SH3KBP1: variants seen among roughly 807,000 people sequenced by gnomAD.
SH3KBP1 encodes SH3 domain containing kinase binding protein 1, also known as SH3 domain-containing kinase-binding protein 1.
SH3KBP1 carries 8 observed loss-of-function variants against 50.1 expected under a neutral mutation model. That is an observed-to-expected ratio of 0.16 (90% CI 0.09 to 0.29). The LOEUF is 0.29. Ranked by LOEUF, SH3KBP1 falls within the 10% of genes least tolerant of loss-of-function variation. The pLI is 1.00. For missense variants in SH3KBP1, 377 were observed against 535.2 expected (o/e 0.70, Z 2.92); for synonymous variants, 227 against 218.6 (o/e 1.04, Z -0.34).
At chrX:19,617,781 T>TAAG (rs1395642198) in intron 8 of SH3KBP1, among the ~76,000 whole-genome samples, 1 of 112,004 alleles carries the variant, frequency 8.9e-6, no homozygotes, top group Non-Finnish European at 1.9e-5. Context: ...TCCGGCCAGC[T>TAAG]AAGGCCCTTC....
At chrX:19,700,800 G>C (rs5955836) in intron 4 of SH3KBP1, among the ~76,000 whole-genome samples, 5,667 of 111,531 alleles carry the variant, frequency 0.051, 324 homozygotes, top group African/African-American at 0.17. Flanking sequence ...CTAAATGGCT[G>C]GACCAATATT....
chrX:19,567,462 TGAGCC>T (rs2065875166), intron 13 of SH3KBP1, among the ~76,000 whole-genome samples: 1 of 82,023 alleles, frequency 1.2e-5, no homozygotes, highest in Non-Finnish European at 2.2e-5. Flanking sequence ...GAGGTTGCAG[TGAGCC>T]GAGATCGTAC....
intron 3 of SH3KBP1, among the ~76,000 whole-genome samples, chrX:19,733,775 T>C (rs898816137): frequency 1.1e-4 from 11 of 101,933 alleles, no homozygotes; most frequent in African/African-American, 3.9e-4. Context: ...CACCAACCAG[T>C]AAAAAAAAAA....
intron 2 of SH3KBP1, among the ~76,000 whole-genome samples, chrX:19,760,279 C>A (rs1412857918): frequency 9.2e-6 from 1 of 109,114 alleles, no homozygotes; most frequent in African/African-American, 3.4e-5. Flanking sequence ...TCCAGCTACT[C>A]GGGAGGCTGA....
intron 13 of SH3KBP1, 67 bp from the exon 14 acceptor site, chrX:19,550,150 G>A (rs1219107291): frequency 1.5e-6 from 1 of 672,271 alleles, no homozygotes; most frequent in Non-Finnish European, 2.4e-6. Context: ...TATGTCATAA[G>A]CACCTCTCTT....
intron 2 of SH3KBP1, among the ~76,000 whole-genome samples, chrX:19,785,060 C>T (rs1427357450): frequency 9.0e-6 from 1 of 110,817 alleles, no homozygotes; most frequent in African/African-American, 3.3e-5. Context: ...ACACAGTATC[C>T]ACCCAGTGCC....
chrX:19,590,647 CTTT>C (rs767767612), intron 11 of SH3KBP1, among the ~76,000 whole-genome samples: 2 of 96,244 alleles, frequency 2.1e-5, no homozygotes, highest in Non-Finnish European at 4.2e-5. Context: ...ACATCACACA[CTTT>C]TTTTTTTTTT....
intron 1 of SH3KBP1, among the ~76,000 whole-genome samples, chrX:19,836,709 G>A (rs2068067422): frequency 8.9e-6 from 1 of 111,882 alleles, no homozygotes; most frequent in East Asian, 2.8e-4. Context: ...TGTACAAAAT[G>A]TCAAAGCTAA....
chrX:19,822,606 C>T (rs1159910620), intron 2 of SH3KBP1, among the ~76,000 whole-genome samples: 1 of 112,073 alleles, frequency 8.9e-6, no homozygotes, highest in Non-Finnish European at 1.9e-5. Flanking sequence ...GCTTTAAAAC[C>T]TTTGTCAGAT....
At chrX:19,866,501 A>T (rs1350620512) in intron 1 of SH3KBP1, among the ~76,000 whole-genome samples, 1 of 110,097 alleles carries the variant, frequency 9.1e-6, no homozygotes, top group Non-Finnish European at 1.9e-5. Flanking sequence ...CAGCCTGGGC[A>T]ACATAACGAG....
At chrX:19,834,470 G>C (rs1467619562) in intron 2 of SH3KBP1, among the ~76,000 whole-genome samples, 4 of 112,331 alleles carry the variant, frequency 3.6e-5, no homozygotes, top group Non-Finnish European at 7.5e-5. Context: ...GTATGAGATA[G>C]AAAGTTTATG....
chrX:19,729,489 G>C (rs184242434), intron 3 of SH3KBP1, among the ~76,000 whole-genome samples: 25 of 112,524 alleles, frequency 2.2e-4, no homozygotes, highest in Non-Finnish European at 1.9e-5. Flanking sequence ...CTCCACCTGA[G>C]AGGATCAGCA....
intron 3 of SH3KBP1, among the ~76,000 whole-genome samples, chrX:19,733,629 A>C (rs1460568555): frequency 1.8e-5 from 2 of 111,302 alleles, no homozygotes; most frequent in African/African-American, 6.5e-5. Context: ...TTATTCAGAG[A>C]AATCACAAAA....
At chrX:19,830,763 A>C (rs1250313423) in intron 2 of SH3KBP1, among the ~76,000 whole-genome samples, 3 of 111,180 alleles carry the variant, frequency 2.7e-5, no homozygotes, top group Non-Finnish European at 5.7e-5. Context: ...CCCTGTCTCA[A>C]AAAAAGACAT....
intron 1 of SH3KBP1, among the ~76,000 whole-genome samples, chrX:19,841,176 C>T (rs1176314562): frequency 3.6e-5 from 4 of 110,957 alleles, no homozygotes; most frequent in Non-Finnish European, 1.9e-5. Context: ...GGTGGTATAT[C>T]CGTGGCCCTG....
chrX:19,763,024 A>G (rs999121463), intron 2 of SH3KBP1, among the ~76,000 whole-genome samples: 1 of 111,751 alleles, frequency 8.9e-6, no homozygotes, highest in Non-Finnish European at 1.9e-5. Flanking sequence ...ACTTATTTGA[A>G]TCTTGCTGGG....
intron 6 of SH3KBP1, among the ~76,000 whole-genome samples, chrX:19,658,702 G>A (rs760961008): frequency 2.4e-4 from 26 of 108,769 alleles, no homozygotes; most frequent in Non-Finnish European, 4.4e-4. Context: ...GTAGCTGCAG[G>A]CATCCACCAC....
intron 8 of SH3KBP1, among the ~76,000 whole-genome samples, chrX:19,610,953 C>G (rs1243481182): frequency 9.0e-6 from 1 of 111,473 alleles, no homozygotes; most frequent in African/African-American, 3.3e-5. Context: ...GGCATGATCT[C>G]GGCTCACTGC....
At chrX:19,691,639 C>G (rs1470909271) in intron 5 of SH3KBP1, among the ~76,000 whole-genome samples, 1 of 109,623 alleles carries the variant, frequency 9.1e-6, no homozygotes, top group African/African-American at 3.3e-5. Context: ...AAGGAGAAAT[C>G]TATAGATTCA....
Sources: gnomAD v4.1 joint callset for allele counts (sites outside exome capture counted in the v4.1 genomes callset) on GRCh38, gnomAD v4.1.1 for gene constraint, MANE v1.5 for transcripts, NCBI Gene and HGNC (gene_info 2026-07-23, HGNC 2026-07-21) for gene names.